LEF1: variants seen among roughly 807,000 people sequenced by gnomAD.
The protein encoded by LEF1 is lymphoid enhancer-binding factor 1.
LEF1 carries 14 observed loss-of-function variants against 51.2 expected under a neutral mutation model. The observed-to-expected ratio is 0.27, with a 90% CI of 0.18 to 0.43. The LOEUF (loss-of-function observed/expected upper bound fraction) is 0.43. Among genes scored for constraint, LEF1 ranks in the 20% least tolerant of loss-of-function variants. LEF1 has a pLI of 1.00. For synonymous variants in LEF1, 185 were observed against 183.2 expected (o/e 1.01, Z -0.08); for missense variants, 386 against 512.0 (o/e 0.75, Z 2.37).
intron 3 of LEF1, among the ~76,000 whole-genome samples, chr4:108,112,306 C>A (rs1741581550): frequency 6.6e-6 from 1 of 152,216 alleles, no homozygotes; most frequent in Non-Finnish European, 1.5e-5. Flanking sequence ...ACAAATAGCT[C>A]CTAGGCTTGA....
At chr4:108,073,647 A>C (rs1043841611) in intron 8 of LEF1, among the ~76,000 whole-genome samples, 1 of 152,178 alleles carries the variant, frequency 6.6e-6, no homozygotes, top group Non-Finnish European at 1.5e-5. Context: ...ATTAACTCCC[A>C]AAATAGGTAT....
At chr4:108,083,508 A>G in intron 4 of LEF1, 62 bp from the exon 5 acceptor site, 1 of 1,077,108 alleles carries the variant, frequency 9.3e-7, no homozygotes, top group Non-Finnish European at 1.4e-6. Flanking sequence ...CAGAAATGCA[A>G]CTACATGTTT....
At chr4:108,083,174 T>C (rs1420590187) in intron 5 of LEF1, 182 bp downstream of exon 5, 2 of 606,322 alleles carry the variant, frequency 3.3e-6, no homozygotes, top group African/African-American at 3.7e-5. Context: ...GATCAATCCA[T>C]TTCAAAGTCT....
At chr4:108,092,195 A>G (rs1439483694) in intron 3 of LEF1, among the ~76,000 whole-genome samples, 1 of 152,178 alleles carries the variant, frequency 6.6e-6, no homozygotes, top group Admixed American at 6.5e-5. Context: ...TGGGAAAGAG[A>G]TAAGAAGCCG....
chr4:108,058,196 C>T (rs1737433725), intron 11 of LEF1, among the ~76,000 whole-genome samples: 1 of 151,916 alleles, frequency 6.6e-6, no homozygotes, highest in South Asian at 2.1e-4. Flanking sequence ...TTAAAAGTAG[C>T]CTGTTCCTTC....
In LEF1 at chr4:108,048,644, G is replaced by A. The variant is rs763792108; in HGVS notation, c.*114C>T. ...TGTCAGTGTTCCTTTGGGGTCGACT[G>A]GGCAGGCCGTGGAGACAGTCTGGGT... On this transcript the variant is annotated 3_prime_UTR_variant, in exon 12 of 12. Transcript: ENST00000265165. 6.6e-7 allele frequency: 1 copy of A among 1,506,458 alleles called. No homozygotes were observed. The highest frequency in any genetic ancestry group is 1.3e-5 in the South Asian group (1 of 78,520). The allele number at this position is 1,506,458 out of a possible 1,614,324, so 93.3% of individuals were successfully genotyped here. A position where few individuals can be genotyped will look rare whatever the true frequency, so the allele number is the denominator to read the frequency against.
chr4:108,055,582 A>T (rs1737258686), intron 11 of LEF1, among the ~76,000 whole-genome samples: 1 of 152,230 alleles, frequency 6.6e-6, no homozygotes, highest in Non-Finnish European at 1.5e-5. Context: ...CTATTAAACA[A>T]AATTTATCCA....
intron 8 of LEF1, among the ~76,000 whole-genome samples, chr4:108,073,633 A>T (rs1393199388): frequency 6.6e-6 from 1 of 152,192 alleles, no homozygotes; most frequent in Non-Finnish European, 1.5e-5. Flanking sequence ...AATCATAAAT[A>T]CAAATTAACT....
chr4:108,147,696 A>C (rs1483042598), intron 3 of LEF1, among the ~76,000 whole-genome samples: 2 of 152,226 alleles, frequency 1.3e-5, no homozygotes, highest in Non-Finnish European at 2.9e-5. Flanking sequence ...CCCTGCAATG[A>C]ATTCAGACCA....
intron 9 of LEF1, among the ~76,000 whole-genome samples, chr4:108,067,068 C>T (rs1312588815): frequency 1.3e-5 from 2 of 152,166 alleles, no homozygotes; most frequent in Non-Finnish European, 2.9e-5. Context: ...ATTTAAAGAA[C>T]AGTATCTTTA....
At chr4:108,102,436 T>C (rs1184771377) in intron 3 of LEF1, among the ~76,000 whole-genome samples, 3 of 152,186 alleles carry the variant, frequency 2.0e-5, no homozygotes, top group African/African-American at 7.2e-5. Flanking sequence ...CACCACTCTG[T>C]ACTCCTGTGC....
Position 108,092,888 on chromosome 4 carries a change from G to C in LEF1, c.415-3631C>G, listed in dbSNP as rs74680663. On this transcript the variant is annotated intron_variant, in intron 3 of 11. Transcript: ENST00000265165. ...GCTCTGGAAGTGGCGTCAGGCAGCA[G>C]GGGGTGGGTATTGGAAACAATGAAT... Among the ~76,000 whole-genome samples, 534 of 140,258 alleles carry C rather than the reference G, an allele frequency of 3.8e-3. 15 individuals carry two copies. In the East Asian group the frequency reaches 0.061, roughly 16 times the overall value. 92.0% of individuals were successfully genotyped at this position (140,258 alleles called of 152,430 possible).
chr4:108,124,151 C>CA (rs1742360854), intron 3 of LEF1, among the ~76,000 whole-genome samples: 1 of 151,880 alleles, frequency 6.6e-6, no homozygotes, highest in Admixed American at 6.6e-5. Context: ...AAATTAAAAA[C>CA]AAAAAACTTT....
chr4:108,124,312 A>G (rs1296728730), intron 3 of LEF1, among the ~76,000 whole-genome samples: 1 of 152,124 alleles, frequency 6.6e-6, no homozygotes, highest in Non-Finnish European at 1.5e-5. Context: ...TGCACATTAT[A>G]TATTATGTAA....
intron 4 of LEF1, among the ~76,000 whole-genome samples, chr4:108,087,612 T>G (rs903786934): frequency 1.3e-5 from 2 of 152,164 alleles, no homozygotes; most frequent in African/African-American, 4.8e-5. Flanking sequence ...CTATGATTGA[T>G]TTCTTATTCT....
intron 11 of LEF1, among the ~76,000 whole-genome samples, chr4:108,054,727 T>G (rs1261291852): frequency 6.6e-6 from 1 of 152,132 alleles, no homozygotes; most frequent in African/African-American, 2.4e-5. Context: ...ACAGAATGCT[T>G]CTAAAAGCAT....
At chr4:108,150,376 A>G (rs746328105) in intron 3 of LEF1, among the ~76,000 whole-genome samples, 13 of 152,170 alleles carry the variant, frequency 8.5e-5, no homozygotes, top group Non-Finnish European at 1.8e-4. Flanking sequence ...AGAAGTGAGG[A>G]ATAGAGATTC....
intron 11 of LEF1, among the ~76,000 whole-genome samples, chr4:108,054,244 A>G (rs1277232104): frequency 6.6e-6 from 1 of 152,206 alleles, no homozygotes; most frequent in African/African-American, 2.4e-5. Flanking sequence ...GAAGATAAGA[A>G]GCTGCTCTAC....
At chr4:108,080,249 A>G (rs1049224518) in intron 6 of LEF1, among the ~76,000 whole-genome samples, 1 of 152,230 alleles carries the variant, frequency 6.6e-6, no homozygotes, top group Non-Finnish European at 1.5e-5. Context: ...CTTGAACAGC[A>G]TTAAAAAAAA....
Sources: allele counts gnomAD v4.1 joint callset (sites outside exome capture counted in the v4.1 genomes callset), GRCh38; gene constraint gnomAD v4.1.1; transcripts MANE v1.5; gene names NCBI Gene and HGNC (gene_info 2026-07-23, HGNC 2026-07-21).